The following CEP192 variants were observed in gnomAD, a reference collection of about 807,000 sequenced individuals.
CEP192 encodes the protein centrosomal protein 192, also known as centrosomal protein of 192 kDa.
CEP192 carries 151 observed loss-of-function variants against 271.8 expected under a neutral mutation model. The observed-to-expected ratio is 0.56, with a 90% CI of 0.49 to 0.64. The LOEUF (loss-of-function observed/expected upper bound fraction) is 0.64. CEP192 is among the 30% of genes least tolerant of loss of function. CEP192 has a pLI of 0.00. For missense variants in CEP192, 2,910 were observed against 3,020.5 expected (o/e 0.96, Z 0.86); for synonymous variants, 995 against 1,076.5 (o/e 0.92, Z 1.48).
intron 3 of CEP192, among the ~76,000 whole-genome samples, chr18:13,003,213 C>A (rs1372018093): frequency 6.6e-6 from 1 of 152,094 alleles, no homozygotes; most frequent in African/African-American, 2.4e-5. Flanking sequence ...CTTTGGAAGC[C>A]TAAGGCAGGT....
chr18:13,089,293 T>C (rs2039033740), intron 32 of CEP192, among the ~76,000 whole-genome samples, 163 bp from the exon 33 acceptor site: 1 of 152,306 alleles, frequency 6.6e-6, no homozygotes, highest in African/African-American at 2.4e-5. Context: ...CATGTGTAAT[T>C]TTTCAAAGAA....
rs532553670 is a variant in CEP192, at chr18:13,069,657, C to T, written c.5056-81C>T. On this transcript the variant is annotated intron_variant, in intron 26 of 44. Coordinates refer to ENST00000506447, the MANE Select transcript of CEP192 (RefSeq NM_032142.4). ...ACAACCTGTCCTGGTAAATGAGAAA[C>T]GCACGTAAGGCAGGAGCCACTGAGC... 1.1e-3 allele frequency: 853 copies of T among 764,072 alleles called. 2 individuals carry two copies. Among genetic ancestry groups the T allele is most frequent in the Non-Finnish European group, 1.5e-3 (669 of 434,774 alleles). The allele number at this position is 764,072 out of a possible 1,614,324, so 47.3% of individuals were successfully genotyped here. A position where few individuals can be genotyped will look rare whatever the true frequency, so the allele number is the denominator to read the frequency against.
At chr18:13,040,631 G>A (rs928790524) in intron 13 of CEP192, among the ~76,000 whole-genome samples, 199 bp from the exon 14 acceptor site, 5 of 152,086 alleles carry the variant, frequency 3.3e-5, no homozygotes, top group Non-Finnish European at 7.4e-5. Flanking sequence ...GAGTTCTAAT[G>A]GTTAAAAGGT....
At chr18:13,034,284 A>G (rs989189487) in intron 11 of CEP192, among the ~76,000 whole-genome samples, 2 of 152,090 alleles carry the variant, frequency 1.3e-5, no homozygotes, top group Non-Finnish European at 2.9e-5. Flanking sequence ...TGGACAGAAA[A>G]CCTGATGGGT....
Position 13,015,331 on chromosome 18 carries a change from G to A in CEP192, c.523G>A (p.Val175Ile), listed in dbSNP as rs768347035. 9.0e-6 allele frequency: 14 copies of A among 1,550,826 alleles called. No homozygotes were observed. The highest frequency in any genetic ancestry group is 2.7e-5 in the African/African-American group (2 of 73,072). The change falls in exon 6 of 45, where the codon GTT (valine) becomes ATT (isoleucine). Residue 175 changes from valine to isoleucine, a missense_variant. Physicochemically the swap from Val to Ile is conservative, Grantham distance 29. Transcript: ENST00000506447. ...SWMNNKEPKI[V>I]VLDAGKHFED... is the part of the protein sequence containing the mutation. ...CTTGCCATTTTGTTTCTTATAGATT[G>A]TTGTGCTTGATGCTGGAAAACATTT... is the stretch of plus-strand genomic sequence containing the variant.
intron 44 of CEP192, among the ~76,000 whole-genome samples, chr18:13,120,309 TGCTTAGC>T (rs2040604882): frequency 6.6e-6 from 1 of 152,244 alleles, no homozygotes; most frequent in Admixed American, 6.5e-5. Flanking sequence ...GATGACATTT[TGCTTAGC>T]TTCAACTTGT....
At chr18:13,042,911 G>A (rs2036284871) in intron 15 of CEP192, among the ~76,000 whole-genome samples, 1 of 152,176 alleles carries the variant, frequency 6.6e-6, no homozygotes. Flanking sequence ...GAACAGCCTA[G>A]TACCTGGGAA....
chr18:13,010,244 A>T (rs1298081031), intron 4 of CEP192, among the ~76,000 whole-genome samples: 1 of 152,226 alleles, frequency 6.6e-6, no homozygotes, highest in African/African-American at 2.4e-5. Context: ...ACTTTCTTTT[A>T]TCAAAGAAAT....
Position 13,071,118 on chromosome 18 carries a change from A to G in CEP192, c.5254A>G (p.Lys1752Glu), listed in dbSNP as rs1473501782. The change falls in exon 28 of 45, where the codon AAA becomes GAA. Residue 1752 changes from lysine (K) to glutamate (E), a missense_variant. Physicochemically the swap from Lys to Glu is moderately conservative, Grantham distance 56. Coordinates refer to ENST00000506447, the MANE Select transcript of CEP192 (RefSeq NM_032142.4). ...LKGEVISSGS[K>E]PLSPGPCLDI... ...AGGCGAAGTCATTTCTTCAGGAAGT[A>G]AACCTCTGTCACCTGGACCTTGCTT... The G allele has an allele frequency of 6.2e-7, 1 of 1,614,116 alleles. No individual in the cohort carries two copies. Among genetic ancestry groups the G allele is most frequent in the East Asian group, 2.2e-5 (1 of 44,888 alleles).
At chr18:13,089,638 T>C in intron 33 of CEP192, 73 bp downstream of exon 33, 1 of 720,518 alleles carries the variant, frequency 1.4e-6, no homozygotes, top group South Asian at 1.9e-5. Context: ...TCCAATGATG[T>C]GATATAAGAA....
At position 13,059,246 on chromosome 18, in the gene CEP192, C is replaced by T. The variant is rs563683890; in HGVS notation, c.4422C>T (p.Ile1474=). 69 of 1,614,208 alleles carry T rather than the reference C, an allele frequency of 4.3e-5. No individual in the cohort carries two copies. In the East Asian group the frequency reaches 1.3e-3, roughly 30 times the overall value. The part of the protein sequence containing the change: ...SWPCSTDAET[I]VQAEALASTV... ...CATGTTCGACAGATGCTGAGACCAT[C>T]GTACAGGCAGAAGCTTTGGCCAGCA... The change falls in exon 21 of 45, where the codon ATC becomes ATT. Residue 1474 remains isoleucine, a synonymous_variant. Transcript: ENST00000506447.
At position 13,050,452 on chromosome 18, in the gene CEP192, C is replaced by T. The variant is rs118094652; in HGVS notation, c.3017+561C>T. Among the ~76,000 whole-genome samples, 248 of 152,248 alleles carry T rather than the reference C, an allele frequency of 1.6e-3. 6 individuals are homozygous for T. In the East Asian group the frequency reaches 0.032, roughly 20 times the overall value. On this transcript the variant is annotated intron_variant, in intron 17 of 44. Coordinates refer to ENST00000506447, the MANE Select transcript of CEP192 (RefSeq NM_032142.4). Reference sequence around the variant, plus strand: ...CATGTTCATCTGAAGCAACATGGTACGGTTCAGCTAGTGCTCAATGTCAAT... The same window carrying T: ...CATGTTCATCTGAAGCAACATGGTATGGTTCAGCTAGTGCTCAATGTCAAT...
Position 12,999,598 on chromosome 18 carries a change from G to A in CEP192, c.164+10G>A. 6.6e-7 allele frequency: 1 copy of A among 1,511,240 alleles called. No individual in the cohort carries two copies. Among genetic ancestry groups the A allele is most frequent in the Non-Finnish European group, 8.8e-7 (1 of 1,131,496 alleles). 93.6% of individuals were successfully genotyped at this position (1,511,240 alleles called of 1,614,324 possible). A position where few individuals can be genotyped will look rare whatever the true frequency, so the allele number is the denominator to read the frequency against. On this transcript the variant is annotated intron_variant, in intron 2 of 44. Coordinates refer to ENST00000506447, the MANE Select transcript of CEP192 (RefSeq NM_032142.4). The stretch of plus-strand genomic sequence containing the variant: ...CCAGCACTGATAACAGGTAAGATTT[G>A]TTTGAGCAGATTTTTTTCCAGGTCC...
At position 13,018,541 on chromosome 18, in the gene CEP192, C is replaced by T. The variant is rs1192534350; in HGVS notation, c.851C>T (p.Ser284Phe). ...TCAGAAAATAACAGCTCTCTGATTT[C>T]CCTCGACTCACACTCTTCTGAAACA... ...FQSENNSSLI[S>F]LDSHSSETTH... is the part of the protein sequence containing the mutation. The change falls in exon 8 of 45, where the codon TCC becomes TTC. Residue 284 changes from serine to phenylalanine, a missense_variant. Transcript: ENST00000506447. 1.9e-6 allele frequency: 3 copies of T among 1,540,884 alleles called. No individual in the cohort carries two copies. The South Asian group carries it at 3.6e-5, about 19-fold the overall frequency.
chr18:13,084,038 C>T (rs1225571696), intron 30 of CEP192, among the ~76,000 whole-genome samples: 2 of 152,128 alleles, frequency 1.3e-5, no homozygotes, highest in East Asian at 1.9e-4. Flanking sequence ...TCATTCGGCC[C>T]CTGCTGGGAG....
intron 42 of CEP192, among the ~76,000 whole-genome samples, chr18:13,115,745 A>G (rs1355527602): frequency 6.6e-6 from 1 of 151,092 alleles, no homozygotes; most frequent in African/African-American, 2.5e-5. Flanking sequence ...GTTTGAGGAC[A>G]AAAATCACAA....
Position 13,049,787 on chromosome 18 carries a change from G to C in CEP192, c.2913G>C (p.Glu971Asp), listed in dbSNP as rs756751461. 2 of 1,613,814 alleles carry C rather than the reference G, an allele frequency of 1.2e-6. No homozygotes were observed. The highest frequency in any genetic ancestry group is 4.5e-5 in the East Asian group (2 of 44,870). Residue 971 changes from glutamate (E) to aspartate (D), a missense_variant, in exon 17 of 45, where the codon GAG becomes GAC. Glu to Asp is a conservative substitution (Grantham distance 45, BLOSUM62 2). Transcript: ENST00000506447. ...TAGATTTGAAAAATACCTCTCCTGA[G>C]CATGGTGGACGTGGCTCAGAGGATG... is the stretch of plus-strand genomic sequence containing the variant. ...KNSDLKNTSP[E>D]HGGRGSEDEQ...
At chr18:13,046,133 G>A (rs117910302) in intron 15 of CEP192, among the ~76,000 whole-genome samples, 3,118 of 152,184 alleles carry the variant, frequency 0.02, 41 homozygotes, top group Non-Finnish European at 0.03. Flanking sequence ...TTCTGGGGGG[G>A]CCTCAGGAAG....
intron 41 of CEP192, 133 bp downstream of exon 41, chr18:13,113,838 A>G: frequency 1.1e-6 from 1 of 910,718 alleles, no homozygotes; most frequent in East Asian, 2.7e-5. Context: ...GTCTTTATTA[A>G]TTGGCATGTT....
Sources: gnomAD v4.1 joint callset for allele counts (sites outside exome capture counted in the v4.1 genomes callset) on GRCh38, gnomAD v4.1.1 for gene constraint, MANE v1.5 for transcripts, NCBI Gene and HGNC (gene_info 2026-07-23, HGNC 2026-07-21) for gene names.